GRID1: variants seen among roughly 807,000 people sequenced by gnomAD.
GRID1 encodes the protein glutamate ionotropic receptor delta type subunit 1, also known as glutamate receptor ionotropic, delta-1.
A neutral mutation model predicts 98.0 loss-of-function variants in GRID1; 28 were observed. The ratio of observed to expected loss-of-function variants is 0.29; its 90% CI spans 0.21 to 0.39. The LOEUF is 0.39. Among genes scored for constraint, GRID1 ranks in the 10% least tolerant of loss-of-function variants. The pLI is 1.00. For synonymous variants in GRID1, 553 were observed against 538.5 expected (o/e 1.03, Z -0.37); for missense variants, 1,111 against 1,340.5 (o/e 0.83, Z 2.67).
intron 4 of GRID1, among the ~76,000 whole-genome samples, chr10:86,127,513 G>A (rs975864085): frequency 1.3e-5 from 2 of 152,140 alleles, no homozygotes; most frequent in African/African-American, 2.4e-5. Flanking sequence ...AAAAAGATCC[G>A]AAAGTGCCTA....
At chr10:85,690,494 AG>A (rs1841319848) in intron 12 of GRID1, among the ~76,000 whole-genome samples, 1 of 152,180 alleles carries the variant, frequency 6.6e-6, no homozygotes, top group Non-Finnish European at 1.5e-5. Context: ...TTTTATCCAC[AG>A]GATCACTATC....
chr10:85,758,060 T>C (rs1842115567), intron 8 of GRID1, among the ~76,000 whole-genome samples: 1 of 152,188 alleles, frequency 6.6e-6, no homozygotes, highest in African/African-American at 2.4e-5. Flanking sequence ...GAGTAGAGCA[T>C]GGTGGTTAGA....
At chr10:86,130,861 G>A (rs1191673148) in intron 4 of GRID1, among the ~76,000 whole-genome samples, 1 of 152,140 alleles carries the variant, frequency 6.6e-6, no homozygotes, top group African/African-American at 2.4e-5. Flanking sequence ...GGAGTCACAG[G>A]CACCCACCCC....
intron 5 of GRID1, among the ~76,000 whole-genome samples, chr10:85,892,811 C>T (rs1841224611): frequency 6.6e-6 from 1 of 152,058 alleles, no homozygotes; most frequent in Admixed American, 6.6e-5. Context: ...TTTACACAAA[C>T]ACTTTCAGAA....
intron 5 of GRID1, among the ~76,000 whole-genome samples, chr10:85,882,623 G>T (rs1324694983): frequency 6.6e-6 from 1 of 152,138 alleles, no homozygotes; most frequent in Non-Finnish European, 1.5e-5. Flanking sequence ...GAACTGTTGT[G>T]GGGTTGGGGG....
chr10:85,936,482 C>T (rs2131835658), intron 4 of GRID1, among the ~76,000 whole-genome samples: 1 of 151,118 alleles, frequency 6.6e-6, no homozygotes, highest in South Asian at 2.1e-4. Context: ...TATCTAGAAA[C>T]TCATGTGATA....
At chr10:86,250,060 G>A (rs995605413) in intron 2 of GRID1, among the ~76,000 whole-genome samples, 1 of 152,104 alleles carries the variant, frequency 6.6e-6, no homozygotes, top group African/African-American at 2.4e-5. Context: ...TGGATGTGTG[G>A]GTAGCTGGGT....
chr10:85,693,678 C>A (rs1035676441), intron 12 of GRID1, among the ~76,000 whole-genome samples: 5 of 152,096 alleles, frequency 3.3e-5, no homozygotes. Context: ...AAAACATGCA[C>A]TGGGGAAAGG....
At chr10:86,091,767 G>T (rs1844151994) in intron 4 of GRID1, among the ~76,000 whole-genome samples, 1 of 152,134 alleles carries the variant, frequency 6.6e-6, no homozygotes, top group Non-Finnish European at 1.5e-5. Flanking sequence ...AACAGTTGCT[G>T]GTATCCATAG....
intron 4 of GRID1, among the ~76,000 whole-genome samples, chr10:86,116,867 C>T (rs1243102855): frequency 6.6e-6 from 1 of 152,120 alleles, no homozygotes; most frequent in African/African-American, 2.4e-5. Flanking sequence ...TCCCTTAGAG[C>T]CAGGTCCAGA....
intron 3 of GRID1, among the ~76,000 whole-genome samples, chr10:86,158,545 C>T (rs1589391664): frequency 1.3e-5 from 2 of 152,344 alleles, no homozygotes; most frequent in African/African-American, 4.8e-5. Context: ...CTTGAAAGGG[C>T]TCCCAGACCA....
chr10:86,137,430 GAGCAAGAAGGAAAGGA>G (rs1407598815), intron 4 of GRID1, among the ~76,000 whole-genome samples: 1 of 152,160 alleles, frequency 6.6e-6, no homozygotes, highest in Middle Eastern at 3.2e-3. Context: ...CTTCACAGCA[GAGCAAGAAGGAAAGGA>G]AGCAAGGGGA....
intron 4 of GRID1, among the ~76,000 whole-genome samples, chr10:86,104,311 C>G (rs1270738787): frequency 6.6e-6 from 1 of 152,218 alleles, no homozygotes; most frequent in African/African-American, 2.4e-5. Flanking sequence ...CCCTCCAACT[C>G]TGGAAGCCAG....
chr10:86,197,234 C>A (rs1348261914), intron 3 of GRID1, among the ~76,000 whole-genome samples: 1 of 152,174 alleles, frequency 6.6e-6, no homozygotes, highest in Non-Finnish European at 1.5e-5. Flanking sequence ...CCCGAAGGTG[C>A]AGCTTGCAGA....
chr10:85,965,748 C>T (rs747967640), intron 4 of GRID1, among the ~76,000 whole-genome samples: 11 of 151,860 alleles, frequency 7.2e-5, no homozygotes, highest in African/African-American at 1.2e-4. Context: ...AACAAACCTG[C>T]GTGTTCTGCA....
intron 4 of GRID1, among the ~76,000 whole-genome samples, chr10:85,976,771 A>G (rs893873856): frequency 6.6e-6 from 1 of 152,208 alleles, no homozygotes; most frequent in Admixed American, 6.5e-5. Context: ...CCCTCTGTGT[A>G]TGCTCTTTGC....
intron 12 of GRID1, among the ~76,000 whole-genome samples, chr10:85,693,006 A>G (rs528465540): frequency 1.3e-5 from 2 of 152,348 alleles, no homozygotes; most frequent in East Asian, 3.9e-4. Flanking sequence ...AGAGATGAAT[A>G]AGCGATGACT....
chr10:85,965,518 C>T (rs967665299), intron 4 of GRID1, among the ~76,000 whole-genome samples: 2 of 152,140 alleles, frequency 1.3e-5, no homozygotes, highest in Admixed American at 6.5e-5. Context: ...CCATCATTCT[C>T]AGCAATCTAA....
intron 4 of GRID1, among the ~76,000 whole-genome samples, chr10:86,094,509 C>A (rs116326178): frequency 3.3e-5 from 5 of 152,178 alleles, no homozygotes; most frequent in Non-Finnish European, 5.9e-5. Context: ...TTTCCAGATA[C>A]AAGACTAATG....
Sources: allele counts gnomAD v4.1 joint callset (sites outside exome capture counted in the v4.1 genomes callset), GRCh38; gene constraint gnomAD v4.1.1; transcripts MANE v1.5; gene names NCBI Gene and HGNC (gene_info 2026-07-23, HGNC 2026-07-21).